NPY1R: variants seen among roughly 807,000 people sequenced by gnomAD.
NPY1R encodes neuropeptide Y receptor type 1.
NPY1R carries 10 observed loss-of-function variants against 24.1 expected under a neutral mutation model. That is an observed-to-expected ratio of 0.42 (90% CI 0.26 to 0.71). The LOEUF is 0.71. Among genes scored for constraint, NPY1R ranks in the 30% least tolerant of loss-of-function variants. The probability of loss-of-function intolerance (pLI) is 0.28; values close to 1 mark genes in which losing one functional copy is unlikely to be tolerated. For synonymous variants in NPY1R, 168 were observed against 165.9 expected (o/e 1.01, Z -0.10); for missense variants, 350 against 458.0 (o/e 0.76, Z 2.15).
rs149201996 is a variant in NPY1R, at chr4:163,338,375, G to A, written c.-152+5930C>T. 3.0e-4 allele frequency among the ~76,000 whole-genome samples: 46 copies of A among 152,266 alleles called. 2 individuals carry two copies. The East Asian group carries it at 8.5e-3, about 28-fold the overall frequency. On this transcript the variant is annotated intron_variant, in intron 1 of 1. Transcript: ENST00000511901. ...CCCCATGAAACTCCACCCAACATCTGCTAACGATACATAAGACAAATCTTG... is the reference window on the plus strand; with the variant it reads ...CCCCATGAAACTCCACCCAACATCTACTAACGATACATAAGACAAATCTTG...
rs371203181 is a variant in NPY1R at position 163,341,090 on chromosome 4, T to G, written c.-152+3215A>C. On this transcript the variant is annotated intron_variant, in intron 1 of 1. Transcript: ENST00000511901. The stretch of plus-strand genomic sequence containing the variant: ...AAACTTCTTTTCAATAGCTTTTGGG[T>G]TTTTTTTTTGTTCAAAAAAAAATCA... 3.2e-4 allele frequency among the ~76,000 whole-genome samples: 47 copies of G among 146,484 alleles called. 1 individual carries two copies. The highest frequency in any genetic ancestry group is 2.2e-3 in the East Asian group (11 of 5,080).
In NPY1R at chr4:163,326,033, C is replaced by G. The variant is rs1266840876; in HGVS notation, c.522G>C (p.Leu174=). The G allele has an allele frequency of 6.2e-7, 1 of 1,613,964 alleles. No individual in the cohort carries two copies. Among genetic ancestry groups the G allele is most frequent in the African/African-American group, 1.3e-5 (1 of 75,026 alleles). The change falls in exon 2 of 3, where the codon CTG becomes CTC. Residue 174 remains leucine (L), a synonymous_variant. Coordinates refer to ENST00000296533, the MANE Select transcript of NPY1R (RefSeq NM_000909.6). Reference sequence around the variant, plus strand: ...GCTCATCAGTCATTACTTGGTAGATCAGGAAAGGCAAAGAAGAAGCCACAG... The same window carrying G: ...GCTCATCAGTCATTACTTGGTAGATGAGGAAAGGCAAAGAAGAAGCCACAG... The part of the protein sequence containing the change: ...VLAVASSLPF[L]IYQVMTDEPF...
At position 163,324,978 on chromosome 4, in the gene NPY1R, A is replaced by C; in HGVS notation, c.*325T>G. 9.2e-6 allele frequency: 2 copies of C among 218,272 alleles called. No individual in the cohort carries two copies. Among genetic ancestry groups the C allele is most frequent in the South Asian group, 1.6e-4 (2 of 12,162 alleles). 13.5% of individuals were successfully genotyped at this position (218,272 alleles called of 1,614,324 possible). On this transcript the variant is annotated 3_prime_UTR_variant, in exon 3 of 3. Coordinates refer to ENST00000296533, the MANE Select transcript of NPY1R (RefSeq NM_000909.6). The stretch of plus-strand genomic sequence containing the variant: ...CCGTATTGGATGGCAGGTACTTCTG[A>C]AGTCAGTTAATAGTAATACTTTAAA...
In NPY1R at chr4:163,328,776, T is replaced by C. The variant is rs558015838; in HGVS notation, c.-151-2071A>G. ...CCGCCATTCCTCTTGCTGGGTGTTC[T>C]CTCTCTCCCACCACCAATCCAAACT... On this transcript the variant is annotated intron_variant, in intron 1 of 2. Transcript: ENST00000296533. 3.2e-4 allele frequency among the ~76,000 whole-genome samples: 48 copies of C among 152,298 alleles called. 1 individual carries two copies. In the East Asian group the frequency reaches 4.2e-3, roughly 13 times the overall value.
At chr4:163,341,631 CATAACTGATA>C (rs1399800139) in intron 1 of NPY1R, among the ~76,000 whole-genome samples, 1 of 152,126 alleles carries the variant, frequency 6.6e-6, no homozygotes, top group Non-Finnish European at 1.5e-5. Flanking sequence ...AGCTTTCTTT[CATAACTGATA>C]ATGAACTGTA....
At chr4:163,337,908 C>T (rs751695327), upstream of NPY1R, among the ~76,000 whole-genome samples, 7 of 152,186 alleles carry the variant, frequency 4.6e-5, no homozygotes, top group Non-Finnish European at 8.8e-5. Flanking sequence ...ATATGACCCA[C>T]CTGAAACTGT....
upstream of NPY1R, among the ~76,000 whole-genome samples, chr4:163,336,098 A>C (rs529596820): frequency 1.7e-4 from 26 of 152,254 alleles, no homozygotes; most frequent in African/African-American, 6.0e-4. Flanking sequence ...ACACAATACT[A>C]TTTGTGGATT....
intron 1 of NPY1R, among the ~76,000 whole-genome samples, chr4:163,338,483 C>G (rs932601174): frequency 3.3e-5 from 5 of 152,076 alleles, no homozygotes; most frequent in African/African-American, 9.7e-5. Context: ...AGTGACATCA[C>G]CCACACATGT....
At position 163,332,491 on chromosome 4, in the gene NPY1R, A is replaced by C. The variant is rs1467000229; in HGVS notation, c.-161T>G. ...TAAACTCGCAACTTACCCTCTTTGG[A>C]ATTTGTCTTTTTCGCTCCTGCTTAT... On this transcript the variant is annotated 5_prime_UTR_variant, in exon 1 of 3. It adds an upstream start codon to the 5' untranslated region. Transcript: ENST00000296533. The C allele has an allele frequency of 2.0e-5, 3 of 152,186 alleles. No homozygotes were observed. The highest frequency in any genetic ancestry group is 4.4e-5 in the Non-Finnish European group (3 of 68,130). The allele number at this position is 152,186 out of a possible 1,614,324, so 9.4% of individuals were successfully genotyped here.
At chr4:163,339,778 T>C (rs1386378664) in intron 1 of NPY1R, among the ~76,000 whole-genome samples, 1 of 152,206 alleles carries the variant, frequency 6.6e-6, no homozygotes, top group Non-Finnish European at 1.5e-5. Flanking sequence ...TATTTTTGGA[T>C]ATTCTTATGT....
chr4:163,331,897 C>T (rs1009473677), intron 1 of NPY1R, among the ~76,000 whole-genome samples: 4 of 152,224 alleles, frequency 2.6e-5, no homozygotes, highest in Non-Finnish European at 5.9e-5. Context: ...CCGAGAAGCG[C>T]GGAACCCGCA....
chr4:163,332,183 G>T (rs74885400), intron 1 of NPY1R, among the ~76,000 whole-genome samples: 1 of 152,206 alleles, frequency 6.6e-6, no homozygotes, highest in South Asian at 2.1e-4. Flanking sequence ...AGAGAACCGG[G>T]GTAAAGGAAA....
chr4:163,343,915 C>G (rs1735086406), intron 1 of NPY1R: 1 of 152,902 alleles, frequency 6.5e-6, no homozygotes, highest in Admixed American at 6.5e-5. Context: ...GCTCCCGCTG[C>G]TGCCGCCACC....
At chr4:163,340,174 T>C (rs1336905806) in intron 1 of NPY1R, among the ~76,000 whole-genome samples, 1 of 152,078 alleles carries the variant, frequency 6.6e-6, no homozygotes. Context: ...TGGAAACATT[T>C]TTAAAAATAT....
chr4:163,329,606 A>G (rs1462601578), intron 1 of NPY1R, among the ~76,000 whole-genome samples: 2 of 152,030 alleles, frequency 1.3e-5, no homozygotes, highest in African/African-American at 4.8e-5. Context: ...GTCTCAAAAA[A>G]AAAAAAAGAA....
At chr4:163,343,295 G>A (rs1238441630) in intron 1 of NPY1R, among the ~76,000 whole-genome samples, 1 of 150,782 alleles carries the variant, frequency 6.6e-6, no homozygotes, top group Admixed American at 6.6e-5. Context: ...CCTGCCACTT[G>A]CCCACACCCA....
intron 1 of NPY1R, among the ~76,000 whole-genome samples, chr4:163,330,357 A>G (rs1288806773): frequency 6.6e-6 from 1 of 152,220 alleles, no homozygotes; most frequent in East Asian, 1.9e-4. Flanking sequence ...TAATTTAGCT[A>G]TAGAGAAAAT....
Position 163,325,025 on chromosome 4 carries a change from C to G in NPY1R, c.*278G>C. 1 of 330,504 alleles carries G rather than the reference C, an allele frequency of 3.0e-6. No homozygotes were observed. The highest frequency in any genetic ancestry group is 5.5e-6 in the Non-Finnish European group (1 of 181,282). The allele number at this position is 330,504 out of a possible 1,614,324, so 20.5% of individuals were successfully genotyped here. On this transcript the variant is annotated 3_prime_UTR_variant, in exon 3 of 3. Coordinates refer to ENST00000296533, the MANE Select transcript of NPY1R (RefSeq NM_000909.6). Reference sequence around the variant, plus strand: ...TAAAGAAATTTCATTCCAATAAGTACAGTATAAAAGTCTTTATATTATATG... The same window carrying G: ...TAAAGAAATTTCATTCCAATAAGTAGAGTATAAAAGTCTTTATATTATATG...
At chr4:163,329,600 CAA>C (rs553333262) in intron 1 of NPY1R, among the ~76,000 whole-genome samples, 6 of 128,510 alleles carry the variant, frequency 4.7e-5, no homozygotes, top group Non-Finnish European at 3.3e-5. Context: ...GACTCCGTCT[CAA>C]AAAAAAAAAA....
Sources: gnomAD v4.1 joint callset for allele counts (sites outside exome capture counted in the v4.1 genomes callset) on GRCh38, gnomAD v4.1.1 for gene constraint, MANE v1.5 for transcripts, NCBI Gene and HGNC (gene_info 2026-07-23, HGNC 2026-07-21) for gene names.